ADAMTSL1: variants seen among roughly 807,000 people sequenced by gnomAD.
ADAMTSL1 encodes the protein ADAMTS-like protein 1.
In ADAMTSL1, 126 loss-of-function variants were observed where a neutral mutation model predicts 201.8. The ratio of observed to expected loss-of-function variants is 0.62; its 90% CI spans 0.54 to 0.72. The LOEUF (loss-of-function observed/expected upper bound fraction) is 0.72. ADAMTSL1 is among the 30% of genes least tolerant of loss of function. The probability of loss-of-function intolerance (pLI) is 0.00; values close to 1 mark genes in which losing one functional copy is unlikely to be tolerated. For missense variants in ADAMTSL1, 2,679 were observed against 2,277.8 expected, an observed-to-expected ratio of 1.18 and a Z score of -3.59; for synonymous variants, 1,121 against 903.4, an observed-to-expected ratio of 1.24 and a Z score of -4.32.
intron 14 of ADAMTSL1, among the ~76,000 whole-genome samples, chr9:18,711,339 T>A (rs544561871): frequency 0.015 from 2,296 of 152,264 alleles, 17 homozygotes; most frequent in Middle Eastern, 0.031. Flanking sequence ...AGGTACTGGG[T>A]TCATCTCACT....
At chr9:18,273,164 C>G (rs981118234) in intron 2 of ADAMTSL1, among the ~76,000 whole-genome samples, 3 of 152,188 alleles carry the variant, frequency 2.0e-5, no homozygotes, top group African/African-American at 7.2e-5. Context: ...ACTGCAACCT[C>G]TCCCTCCCAG....
intron 4 of ADAMTSL1, 142 bp from the exon 5 acceptor site, chr9:18,622,101 C>T: frequency 9.7e-7 from 1 of 1,029,184 alleles, no homozygotes; most frequent in East Asian, 2.6e-5. Flanking sequence ...ATTTAAATTC[C>T]AGTTGAATTC....
At chr9:18,359,062 C>T (rs1787211274) in intron 2 of ADAMTSL1, among the ~76,000 whole-genome samples, 2 of 152,148 alleles carry the variant, frequency 1.3e-5, no homozygotes. Context: ...GATATACTGC[C>T]ATGCTCTTAT....
At chr9:18,430,321 A>G (rs956904423) in intron 2 of ADAMTSL1, among the ~76,000 whole-genome samples, 21 of 152,154 alleles carry the variant, frequency 1.4e-4, no homozygotes, top group African/African-American at 4.8e-4. Context: ...GTGACCCACA[A>G]TGGCTTCCCA....
At chr9:18,420,740 T>A (rs1818907269) in intron 2 of ADAMTSL1, among the ~76,000 whole-genome samples, 1 of 152,238 alleles carries the variant, frequency 6.6e-6, no homozygotes, top group Non-Finnish European at 1.5e-5. Flanking sequence ...GTTTGCTGAA[T>A]GAATGGGGGA....
At chr9:18,133,618 T>C (rs1826038333) in intron 1 of ADAMTSL1, among the ~76,000 whole-genome samples, 1 of 152,186 alleles carries the variant, frequency 6.6e-6, no homozygotes, top group East Asian at 1.9e-4. Flanking sequence ...GGCCTGGAAG[T>C]AATGGACCCC....
rs1456556629 is a variant in ADAMTSL1, at chr9:18,785,583, A to AAAC, written c.3677+7678_3677+7680dup. Among the ~76,000 whole-genome samples, 9 of 152,328 alleles carry AAAC rather than the reference A, an allele frequency of 5.9e-5. No homozygotes were observed. The East Asian group carries it at 1.7e-3, about 29-fold the overall frequency. On this transcript the variant is annotated intron_variant, in intron 19 of 28. Transcript: ENST00000380548. ...CCTAGACCACAGGCAATATGAAGCT[A>AAAC]AACTGTTCCTCGCTTTCAGTCATTC...
intron 4 of ADAMTSL1, among the ~76,000 whole-genome samples, chr9:18,598,985 T>C (rs1333282879): frequency 6.6e-6 from 1 of 152,144 alleles, no homozygotes; most frequent in African/African-American, 2.4e-5. Flanking sequence ...CATACTGTCC[T>C]CTCTGCCCCA....
chr9:18,576,334 A>C (rs1188377447), intron 4 of ADAMTSL1, among the ~76,000 whole-genome samples: 1 of 152,184 alleles, frequency 6.6e-6, no homozygotes, highest in African/African-American at 2.4e-5. Flanking sequence ...TGCAGTAAGA[A>C]TAGGGAGGTA....
chr9:18,399,487 G>A (rs989845121), intron 2 of ADAMTSL1, among the ~76,000 whole-genome samples: 10 of 146,030 alleles, frequency 6.8e-5, no homozygotes, highest in African/African-American at 1.8e-4. Flanking sequence ...GATTACAGAC[G>A]CGTGTCACCA....
chr9:18,269,983 A>G (rs1243934134), intron 2 of ADAMTSL1, among the ~76,000 whole-genome samples: 1 of 152,060 alleles, frequency 6.6e-6, no homozygotes, highest in Non-Finnish European at 1.5e-5. Context: ...AAGGTTTATA[A>G]TCTAATGCCG....
intron 13 of ADAMTSL1, among the ~76,000 whole-genome samples, chr9:18,698,331 A>G (rs1831689662): frequency 6.6e-6 from 1 of 152,030 alleles, no homozygotes; most frequent in South Asian, 2.1e-4. Context: ...CCTAGGCTGG[A>G]GTGCAGTGGC....
intron 2 of ADAMTSL1, among the ~76,000 whole-genome samples, chr9:18,280,964 C>G (rs1832765430): frequency 6.8e-6 from 1 of 147,966 alleles, no homozygotes; most frequent in Admixed American, 6.8e-5. Context: ...TAGCCTTGAA[C>G]TCCTAGATTC....
chr9:18,251,270 G>A (rs1032938461), intron 2 of ADAMTSL1, among the ~76,000 whole-genome samples: 1 of 152,082 alleles, frequency 6.6e-6, no homozygotes, highest in Admixed American at 6.5e-5. Flanking sequence ...TCTAGAACAA[G>A]AAATAATTGG....
chr9:18,807,645 C>CA (rs1179713904), intron 20 of ADAMTSL1, among the ~76,000 whole-genome samples: 3,029 of 68,348 alleles, frequency 0.044, 113 homozygotes, highest in African/African-American at 0.13. Flanking sequence ...GACTCTGTCT[C>CA]AAAAAAAAAA....
At chr9:18,875,957 T>C (rs557804988) in intron 23 of ADAMTSL1, among the ~76,000 whole-genome samples, 94 of 152,276 alleles carry the variant, frequency 6.2e-4, no homozygotes, top group African/African-American at 2.1e-3. Flanking sequence ...GATTATGATA[T>C]TTTCCTGTTG....
intron 5 of ADAMTSL1, among the ~76,000 whole-genome samples, chr9:18,626,798 G>A (rs1425417484): frequency 1.4e-5 from 2 of 143,038 alleles, no homozygotes; most frequent in Non-Finnish European, 3.1e-5. Context: ...TACTGCACCT[G>A]TATTTATTTT....
intron 2 of ADAMTSL1, among the ~76,000 whole-genome samples, chr9:18,459,173 A>G (rs78335165): frequency 6.6e-6 from 1 of 152,206 alleles, no homozygotes. Context: ...TTATTTAGAC[A>G]TTCATTAAAT....
intron 7 of ADAMTSL1, 56 bp from the exon 8 acceptor site, chr9:18,657,583 G>A (rs1193631290): frequency 7.4e-7 from 1 of 1,351,712 alleles, no homozygotes; most frequent in Non-Finnish European, 1.1e-6. Flanking sequence ...AAGCTGCAAG[G>A]GACCAGAAAG....
Sources: gnomAD v4.1 joint callset for allele counts (sites outside exome capture counted in the v4.1 genomes callset) on GRCh38, gnomAD v4.1.1 for gene constraint, MANE v1.5 for transcripts, NCBI Gene and HGNC (gene_info 2026-07-23, HGNC 2026-07-21) for gene names.